Variants in RAPGEF5 observed in about 807,000 individuals in gnomAD.
The protein encoded by RAPGEF5 is M-Ras-regulated GEF.
RAPGEF5 carries 65 observed loss-of-function variants against 125.2 expected under a neutral mutation model. The ratio of observed to expected loss-of-function variants is 0.52; its 90% CI spans 0.43 to 0.64. RAPGEF5 has a LOEUF of 0.64. Ranked by LOEUF, RAPGEF5 falls within the 30% of genes least tolerant of loss-of-function variation. The probability of loss-of-function intolerance (pLI) is 0.00; values close to 1 mark genes in which losing one functional copy is unlikely to be tolerated. For synonymous variants in RAPGEF5, 391 were observed against 385.9 expected, an observed-to-expected ratio of 1.01 and a Z score of -0.16; for missense variants, 958 against 1,048.1, an observed-to-expected ratio of 0.91 and a Z score of 1.19.
chr7:22,177,927 GA>G (rs1219876641), intron 11 of RAPGEF5, among the ~76,000 whole-genome samples: 1 of 152,160 alleles, frequency 6.6e-6, no homozygotes, highest in African/African-American at 2.4e-5. Flanking sequence ...ATAGACACAA[GA>G]AGGTGGTCTT....
At chr7:22,331,570 C>A (rs562618924) in intron 1 of RAPGEF5, among the ~76,000 whole-genome samples, 34 of 152,014 alleles carry the variant, frequency 2.2e-4, no homozygotes, top group African/African-American at 7.7e-4. Flanking sequence ...ATGCTGAAAC[C>A]CTGCCTCTAC....
At chr7:22,213,458 C>T (rs1249607136) in intron 9 of RAPGEF5, among the ~76,000 whole-genome samples, 2 of 152,212 alleles carry the variant, frequency 1.3e-5, no homozygotes, top group Non-Finnish European at 2.9e-5. Flanking sequence ...GAATGGTTAA[C>T]TGTTTTCCAT....
intron 5 of RAPGEF5, among the ~76,000 whole-genome samples, chr7:22,299,287 T>C (rs1474898262): frequency 6.6e-6 from 1 of 152,184 alleles, no homozygotes; most frequent in Non-Finnish European, 1.5e-5. Flanking sequence ...GTACATTCTA[T>C]ACTAAATATT....
chr7:22,231,600 T>C lies in RAPGEF5; in HGVS notation c.797-681A>G, dbSNP rs1202058339. On this transcript the variant is annotated intron_variant, in intron 7 of 25. Transcript: ENST00000665637. ...TTGCTTATCTCATGGCATCTGAACT[T>C]CTCCTGCTCATCACTGAAGGGCTTC... 2.0e-5 allele frequency among the ~76,000 whole-genome samples: 3 copies of C among 152,210 alleles called. No individual in the cohort carries two copies. In the South Asian group the frequency reaches 6.2e-4, roughly 32 times the overall value.
chr7:22,315,066 C>T (rs1290423767), intron 3 of RAPGEF5, among the ~76,000 whole-genome samples: 3 of 152,148 alleles, frequency 2.0e-5, no homozygotes, highest in Non-Finnish European at 4.4e-5. Context: ...CCTAATGTAG[C>T]ACCACCCCCT....
intron 1 of RAPGEF5, 22 bp downstream of exon 1, chr7:22,356,808 C>T (rs1277893593): frequency 1.7e-6 from 2 of 1,152,162 alleles, no homozygotes; most frequent in Non-Finnish European, 2.1e-6. Context: ...CGTGCCCACT[C>T]GGACAGGGCC....
chr7:22,210,147 A>T (rs979986689), intron 9 of RAPGEF5, among the ~76,000 whole-genome samples: 1 of 152,098 alleles, frequency 6.6e-6, no homozygotes, highest in Non-Finnish European at 1.5e-5. Flanking sequence ...TCAGAGGAAA[A>T]CTCCAGACTA....
chr7:22,125,789 C>T, intron 24 of RAPGEF5, 131 bp from the exon 25 acceptor site: 2 of 821,396 alleles, frequency 2.4e-6, no homozygotes, highest in Non-Finnish European at 2.0e-6. Flanking sequence ...GTATTTGGAG[C>T]TGGATGTAGC....
intron 7 of RAPGEF5, among the ~76,000 whole-genome samples, chr7:22,236,591 A>G (rs1786196245): frequency 1.3e-5 from 2 of 152,044 alleles, no homozygotes; most frequent in Admixed American, 1.3e-4. Flanking sequence ...CTTCACCTCA[A>G]TCTCTCCCTA....
intron 11 of RAPGEF5, among the ~76,000 whole-genome samples, chr7:22,168,364 C>A (rs1784239167): frequency 6.6e-6 from 1 of 152,216 alleles, no homozygotes; most frequent in Non-Finnish European, 1.5e-5. Context: ...TCACCAGACA[C>A]TGAATCTGCT....
At chr7:22,149,302 T>A (rs1003055497) in intron 18 of RAPGEF5, among the ~76,000 whole-genome samples, 8 of 152,246 alleles carry the variant, frequency 5.3e-5, no homozygotes, top group Non-Finnish European at 1.0e-4. Context: ...AAAACTATTA[T>A]CAGTAGTTTG....
At chr7:22,263,598 T>C (rs948070322) in intron 7 of RAPGEF5, among the ~76,000 whole-genome samples, 2 of 151,894 alleles carry the variant, frequency 1.3e-5, no homozygotes, top group Non-Finnish European at 1.5e-5. Context: ...GGTGTGGTGG[T>C]ACATGCCTGT....
intron 11 of RAPGEF5, among the ~76,000 whole-genome samples, chr7:22,182,960 C>A (rs565137357): frequency 6.6e-6 from 1 of 152,092 alleles, no homozygotes. Flanking sequence ...TTATTAGGTC[C>A]TCATAGTTTG....
chr7:22,178,204 T>C (rs1784568274), intron 11 of RAPGEF5, among the ~76,000 whole-genome samples: 1 of 152,162 alleles, frequency 6.6e-6, no homozygotes. Flanking sequence ...AAAATTGAAA[T>C]GTAAAGGTAA....
At position 22,237,257 on chromosome 7, in the gene RAPGEF5, C is replaced by T. The variant is rs187263325; in HGVS notation, c.797-6338G>A. Among the ~76,000 whole-genome samples the T allele has an allele frequency of 6.6e-4, 100 of 152,142 alleles. 1 individual carries two copies. The South Asian group carries it at 7.7e-3, about 12-fold the overall frequency. On this transcript the variant is annotated intron_variant, in intron 7 of 25. Coordinates refer to ENST00000665637, the MANE Select transcript of RAPGEF5 (RefSeq NM_012294.5). ...TCAGCAACACAAATATCTGTCTTTG[C>T]TAACCTACATTATGAGTTCTTCGAG...
chr7:22,281,425 T>G (rs1782671598), intron 6 of RAPGEF5, among the ~76,000 whole-genome samples: 1 of 152,142 alleles, frequency 6.6e-6, no homozygotes, highest in African/African-American at 2.4e-5. Context: ...TTGTCCAGGC[T>G]GCTCTCAAAT....
At position 22,273,042 on chromosome 7, in the gene RAPGEF5, G is replaced by A. The variant is rs573168528; in HGVS notation, c.748-6030C>T. On this transcript the variant is annotated intron_variant, in intron 6 of 25. Transcript: ENST00000665637. ...CCCAGAGTGCTGGGATTGCAGGCGT[G>A]AGCCACCATGCCCAGCCAAGAAACT... 3.3e-5 allele frequency among the ~76,000 whole-genome samples: 5 copies of A among 151,772 alleles called. No individual in the cohort carries two copies. In the South Asian group the frequency reaches 1.0e-3, roughly 32 times the overall value.
chr7:22,245,715 A>G (rs893782816), intron 7 of RAPGEF5, among the ~76,000 whole-genome samples: 2 of 152,154 alleles, frequency 1.3e-5, no homozygotes, highest in Admixed American at 6.6e-5. Context: ...AAATATCAAC[A>G]TAACACACTC....
chr7:22,302,646 T>C lies in RAPGEF5; in HGVS notation c.680+5693A>G, dbSNP rs549201889. On this transcript the variant is annotated intron_variant, in intron 5 of 25. Transcript: ENST00000665637. ...ACTCGCCATGTACCCAGAGGCTACCTTGAGAAACAGGGAGAAATACAGAGA... is the reference window on the plus strand; with the variant it reads ...ACTCGCCATGTACCCAGAGGCTACCCTGAGAAACAGGGAGAAATACAGAGA... 3.3e-5 allele frequency among the ~76,000 whole-genome samples: 5 copies of C among 152,206 alleles called. No homozygotes were observed. In the South Asian group the frequency reaches 6.2e-4, roughly 19 times the overall value.
Sources: gnomAD v4.1 joint callset for allele counts (sites outside exome capture counted in the v4.1 genomes callset) on GRCh38, gnomAD v4.1.1 for gene constraint, MANE v1.5 for transcripts, NCBI Gene and HGNC (gene_info 2026-07-23, HGNC 2026-07-21) for gene names.